The following SLC2A14 variants were observed in gnomAD, a reference collection of about 807,000 sequenced individuals.
SLC2A14 encodes the protein solute carrier family 2 member 14, also known as solute carrier family 2, facilitated glucose transporter member 14.
In SLC2A14, 13 loss-of-function variants were observed where a neutral mutation model predicts 43.0. The observed-to-expected ratio is 0.30, with a 90% CI of 0.20 to 0.48. The LOEUF (loss-of-function observed/expected upper bound fraction) is 0.48. SLC2A14 is among the 20% of genes least tolerant of loss of function. The pLI, the probability that SLC2A14 is intolerant of heterozygous loss-of-function variation, is 0.99. For synonymous variants in SLC2A14, 190 were observed against 233.8 expected (o/e 0.81, Z 1.71); for missense variants, 428 against 620.4 (o/e 0.69, Z 3.29).
intron 2 of SLC2A14, 39 bp from the exon 3 acceptor site, chr12:7,832,853 A>T: frequency 6.3e-7 from 1 of 1,583,148 alleles, no homozygotes; most frequent in South Asian, 1.1e-5. Flanking sequence ...AATAGTCCTT[A>T]AAACTTGTAA....
At chr12:7,854,378 G>C (rs1485232970) in intron 2 of SLC2A14, among the ~76,000 whole-genome samples, 1 of 151,898 alleles carries the variant, frequency 6.6e-6, no homozygotes, top group Admixed American at 6.6e-5. Context: ...CCTTCCACTC[G>C]CACATGTCTG....
At chr12:7,817,164 G>GGA (rs1168348157) in intron 10 of SLC2A14, among the ~76,000 whole-genome samples, 1 of 151,708 alleles carries the variant, frequency 6.6e-6, no homozygotes, top group Non-Finnish European at 1.5e-5. Flanking sequence ...TGCCCAGGCT[G>GGA]GAGTGCAATG....
At chr12:7,878,716 G>A (rs1592328441) in intron 1 of SLC2A14, among the ~76,000 whole-genome samples, 1 of 151,778 alleles carries the variant, frequency 6.6e-6, no homozygotes, top group South Asian at 2.1e-4. Context: ...GGGTGGCTCA[G>A]GGCGATAATC....
intron 3 of SLC2A14, among the ~76,000 whole-genome samples, chr12:7,831,969 G>A (rs1274388158): frequency 6.6e-6 from 1 of 152,208 alleles, no homozygotes; most frequent in Non-Finnish European, 1.5e-5. Flanking sequence ...TTAGCCAGTT[G>A]TGGTGGCGCA....
chr12:7,827,063 T>TTC (rs1157345006), intron 7 of SLC2A14, among the ~76,000 whole-genome samples: 1 of 91,044 alleles, frequency 1.1e-5, no homozygotes, highest in African/African-American at 3.7e-5. Flanking sequence ...CTCTCTTTCT[T>TTC]TCTCTCTCTC....
In SLC2A14 at chr12:7,831,655, C is replaced by G. The variant is rs760772682; in HGVS notation, c.221G>C (p.Gly74Ala). The change falls in exon 4 of 11, where the codon GGG becomes GCG. Residue 74 changes from glycine to alanine, a missense_variant. Physicochemically the swap from Gly to Ala is moderately conservative, Grantham distance 60. Transcript: ENST00000431042. ...WSLSVAIFSV[G>A]GMIGSFSVGL... is the part of the protein sequence containing the mutation. Reference sequence around the variant, plus strand: ...GACGGAAAAGGAGCCGATCATACCCCCGACGGAAAATATGGCCACAGACAA... The same window carrying G: ...GACGGAAAAGGAGCCGATCATACCCGCGACGGAAAATATGGCCACAGACAA... 6.2e-7 allele frequency: 1 copy of G among 1,614,224 alleles called. No individual in the cohort carries two copies. Among genetic ancestry groups the G allele is most frequent in the Non-Finnish European group, 8.5e-7 (1 of 1,180,042 alleles).
At chr12:7,832,870 A>G (rs1865152723) in intron 2 of SLC2A14, 56 bp from the exon 3 acceptor site, 5 of 1,526,642 alleles carry the variant, frequency 3.3e-6, no homozygotes, top group Non-Finnish European at 3.6e-6. Flanking sequence ...GTAATTGATG[A>G]CTGTTTCTTA....
At chr12:7,839,818 A>C (rs1379667630) in intron 2 of SLC2A14, 6 of 450,214 alleles carry the variant, frequency 1.3e-5, no homozygotes, top group Non-Finnish European at 2.7e-5. Flanking sequence ...TCATGCCTGT[A>C]ATCTCAGCAC....
chr12:7,884,090 A>AT lies in SLC2A14; in HGVS notation c.132+6905dup, dbSNP rs778544644. Among the ~76,000 whole-genome samples the AT allele has an allele frequency of 3.6e-3, 392 of 110,114 alleles. 1 individual carries two copies. Among genetic ancestry groups the AT allele is most frequent in the Middle Eastern group, 0.012 (3 of 248 alleles). The allele number at this position is 110,114 out of a possible 152,430, so 72.2% of individuals were successfully genotyped here. A position where few individuals can be genotyped will look rare whatever the true frequency, so the allele number is the denominator to read the frequency against. ...AGGCGCCTGCCACCACAACTGGCTA[A>AT]TTTTTTGTATTTTTAGTAGAAACGG... is the stretch of plus-strand genomic sequence containing the variant. On this transcript the variant is annotated intron_variant, in intron 1 of 9. Coordinates refer to the SLC2A14 transcript ENST00000539924.
At chr12:7,863,014 A>G (rs1044725631) in intron 2 of SLC2A14, among the ~76,000 whole-genome samples, 1 of 152,140 alleles carries the variant, frequency 6.6e-6, no homozygotes, top group Non-Finnish European at 1.5e-5. Flanking sequence ...CCAAGCCCGC[A>G]TTGGCAACCA....
upstream of SLC2A14, among the ~76,000 whole-genome samples, chr12:7,873,745 C>T (rs1290861059): frequency 6.6e-6 from 1 of 152,094 alleles, no homozygotes; most frequent in Admixed American, 6.6e-5. Context: ...CTCTCCACCT[C>T]CTGGAAAAGA....
intron 7 of SLC2A14, among the ~76,000 whole-genome samples, chr12:7,826,866 T>C (rs1387445756): frequency 0.17 from 2,126 of 12,196 alleles, 225 homozygotes; most frequent in African/African-American, 0.27. Context: ...TTCTTTTTTC[T>C]TTCTTTCTTT....
intron 2 of SLC2A14, chr12:7,850,883 T>G (rs1866884370): frequency 6.6e-6 from 1 of 152,200 alleles, no homozygotes; most frequent in African/African-American, 2.4e-5. Context: ...GTGTTCCACA[T>G]ACATCAAATG....
upstream of SLC2A14, chr12:7,873,214 C>A: frequency 1.0e-6 from 1 of 985,496 alleles, no homozygotes; most frequent in Non-Finnish European, 1.2e-6. Flanking sequence ...TTGGCGCCGC[C>A]GTTAGGAGGG....
chr12:7,814,502 G>T lies in SLC2A14; in HGVS notation c.1308C>A (p.Phe436Leu). 6.2e-7 allele frequency: 1 copy of T among 1,613,822 alleles called. No individual in the cohort carries two copies. Residue 436 changes from phenylalanine to leucine, a missense_variant, in exon 11 of 11, where the codon TTC becomes TTA. By Grantham distance (22) the Phe-to-Leu change is conservative. This residue lies in a region of SLC2A14 where 119 missense variants were observed against 188.7 expected (regional missense o/e 0.63). Transcript: ENST00000431042. ...YYLGAYVFIIFTGFLITFLAF... is the reference protein window; with the variant it reads ...YYLGAYVFIILTGFLITFLAF... ...CCAAGAAGGTAATGAGGAAGCCGGT[G>T]AAGATAATAAAAACGTAGGCTCCTA... is the stretch of plus-strand genomic sequence containing the variant.
rs1172280189 is a variant in SLC2A14 at position 7,848,378 on chromosome 12, TTTTA to T, written c.19-15568_19-15565del. Among the ~76,000 whole-genome samples the T allele has an allele frequency of 9.1e-5, 11 of 120,746 alleles. No individual in the cohort carries two copies. In the South Asian group the frequency reaches 1.6e-3, roughly 17 times the overall value. The allele number at this position is 120,746 out of a possible 152,430, so 79.2% of individuals were successfully genotyped here. A position where few individuals can be genotyped will look rare whatever the true frequency, so the allele number is the denominator to read the frequency against. ...ATATTTGTATCTCAGATTGTCTTTT[TTTTA>T]TTATTATTTTTTACAATTCCCTTTC... On this transcript the variant is annotated intron_variant, in intron 2 of 10. Coordinates refer to ENST00000431042, the MANE Select transcript of SLC2A14 (RefSeq NM_001286234.2).
chr12:7,848,690 G>T (rs1217683789), intron 2 of SLC2A14, among the ~76,000 whole-genome samples: 2 of 151,836 alleles, frequency 1.3e-5, no homozygotes, highest in Non-Finnish European at 2.9e-5. Flanking sequence ...CGAGTAGCTG[G>T]GATTACAGGT....
At chr12:7,868,972 C>T (rs1945075186) in intron 2 of SLC2A14, among the ~76,000 whole-genome samples, 1 of 151,976 alleles carries the variant, frequency 6.6e-6, no homozygotes, top group South Asian at 2.1e-4. Flanking sequence ...TGGAGAAACC[C>T]CATCTCTACT....
At chr12:7,873,755 ACT>A (rs1945356943), upstream of SLC2A14, among the ~76,000 whole-genome samples, 1 of 151,750 alleles carries the variant, frequency 6.6e-6, no homozygotes, top group African/African-American at 2.4e-5. Flanking sequence ...CCTGGAAAAG[ACT>A]CTCTAGGTTT....
Sources: allele counts gnomAD v4.1 joint callset (sites outside exome capture counted in the v4.1 genomes callset), GRCh38; gene constraint gnomAD v4.1.1; regional missense constraint gnomAD v4.1.1; transcripts MANE v1.5; gene names NCBI Gene and HGNC (gene_info 2026-07-23, HGNC 2026-07-21).